Variants in CRIM1 observed in about 807,000 individuals in gnomAD.
The protein encoded by CRIM1 is cysteine rich transmembrane BMP regulator 1.
In CRIM1, 32 loss-of-function variants were observed where a neutral mutation model predicts 116.4. The ratio of observed to expected loss-of-function variants is 0.27; its 90% CI spans 0.21 to 0.37. The LOEUF (loss-of-function observed/expected upper bound fraction) is 0.37, where lower values mean the gene tolerates loss of function less well. Ranked by LOEUF, CRIM1 falls within the 10% of genes least tolerant of loss-of-function variation. CRIM1 has a pLI of 1.00. For missense variants in CRIM1, 1,331 were observed against 1,354.8 expected, an observed-to-expected ratio of 0.98 and a Z score of 0.28; for synonymous variants, 590 against 509.2, an observed-to-expected ratio of 1.16 and a Z score of -2.13.
rs1452184032 is a variant in CRIM1, at chr2:36,499,353, T to C, written c.1501+6T>C. 4.3e-6 allele frequency: 7 copies of C among 1,613,678 alleles called. No homozygotes were observed. Among genetic ancestry groups the C allele is most frequent in the African/African-American group, 1.3e-5 (1 of 75,028 alleles). On this transcript the variant is annotated splice_donor_region_variant and intron_variant, in intron 8 of 16. Coordinates refer to ENST00000280527, the MANE Select transcript of CRIM1 (RefSeq NM_016441.3). ...GACCTGTCAGTGCATAAACAGTGAG[T>C]AGACAGAAGACTGTATGTTTTTTCT...
intron 7 of CRIM1, among the ~76,000 whole-genome samples, chr2:36,498,042 T>C (rs923445967): frequency 6.6e-6 from 1 of 152,222 alleles, no homozygotes; most frequent in African/African-American, 2.4e-5. Flanking sequence ...ATATTTTCCA[T>C]CTGCGAAAAT....
chr2:36,503,678 G>C (rs1572883999), intron 8 of CRIM1, among the ~76,000 whole-genome samples: 1 of 152,072 alleles, frequency 6.6e-6, no homozygotes, highest in East Asian at 1.9e-4. Flanking sequence ...TTTTAGAGAA[G>C]GGAGTTTCTT....
chr2:36,491,149 A>G (rs1680198107), intron 7 of CRIM1, among the ~76,000 whole-genome samples: 1 of 152,216 alleles, frequency 6.6e-6, no homozygotes, highest in African/African-American at 2.4e-5. Flanking sequence ...AATTCTCCAG[A>G]TAATTAAAAT....
chr2:36,472,364 T>C (rs1328191723), intron 5 of CRIM1, among the ~76,000 whole-genome samples: 1 of 152,206 alleles, frequency 6.6e-6, no homozygotes, highest in Non-Finnish European at 1.5e-5. Flanking sequence ...TCTATAAATC[T>C]CTTTGAACAT....
chr2:36,435,392 G>T (rs1675226092), intron 2 of CRIM1, among the ~76,000 whole-genome samples: 1 of 151,946 alleles, frequency 6.6e-6, no homozygotes, highest in Non-Finnish European at 1.5e-5. Context: ...AACGAGAAGA[G>T]ATTTCAAAAT....
intron 8 of CRIM1, 69 bp downstream of exon 8, chr2:36,499,416 T>A (rs1680832379): frequency 6.7e-7 from 1 of 1,483,312 alleles, no homozygotes; most frequent in Middle Eastern, 1.8e-4. Context: ...TATTATGTAA[T>A]TGAATATCTT....
At chr2:36,407,034 C>T (rs924071413) in intron 2 of CRIM1, among the ~76,000 whole-genome samples, 10 of 152,048 alleles carry the variant, frequency 6.6e-5, no homozygotes, top group African/African-American at 2.4e-4. Flanking sequence ...TCACCTTCTG[C>T]GTGGGTCAGG....
intron 1 of CRIM1, among the ~76,000 whole-genome samples, chr2:36,368,560 C>G (rs1340211029): frequency 2.6e-5 from 4 of 152,170 alleles, no homozygotes; most frequent in African/African-American, 9.6e-5. Context: ...TAGCAATCAG[C>G]TTGTTTGCCT....
At chr2:36,498,252 A>G (rs192569026) in intron 7 of CRIM1, among the ~76,000 whole-genome samples, 2 of 152,274 alleles carry the variant, frequency 1.3e-5, no homozygotes, top group Admixed American at 6.5e-5. Context: ...AGGTACCATT[A>G]CAGCAGATTT....
intron 7 of CRIM1, among the ~76,000 whole-genome samples, chr2:36,492,851 A>G (rs1029340659): frequency 3.3e-5 from 5 of 152,098 alleles, no homozygotes; most frequent in African/African-American, 7.2e-5. Flanking sequence ...CAACCCCCCA[A>G]TCCCTGCCCA....
At chr2:36,379,921 G>A (rs1263421853) in intron 1 of CRIM1, among the ~76,000 whole-genome samples, 1 of 149,340 alleles carries the variant, frequency 6.7e-6, no homozygotes, top group African/African-American at 2.4e-5. Flanking sequence ...AAAAAAAAAG[G>A]TATGTTTATG....
At chr2:36,530,459 G>C (rs560503130) in intron 13 of CRIM1, among the ~76,000 whole-genome samples, 17 of 152,314 alleles carry the variant, frequency 1.1e-4, no homozygotes, top group South Asian at 8.3e-4. Flanking sequence ...CAAGTGTGGA[G>C]TTTGTGCCCA....
At chr2:36,537,672 T>C in intron 14 of CRIM1, 126 bp downstream of exon 14, 1 of 1,049,692 alleles carries the variant, frequency 9.5e-7, no homozygotes. Flanking sequence ...CAGGCCCAGT[T>C]AGCGCCTCCA....
chr2:36,543,638 GATGA>G (rs1667109539), intron 14 of CRIM1, among the ~76,000 whole-genome samples: 1 of 151,742 alleles, frequency 6.6e-6, no homozygotes, highest in Non-Finnish European at 1.5e-5. Flanking sequence ...TCGTTAGCTG[GATGA>G]AGTATAAATA....
intron 2 of CRIM1, among the ~76,000 whole-genome samples, chr2:36,440,355 C>T (rs1326842997): frequency 1.3e-5 from 2 of 152,180 alleles, no homozygotes; most frequent in Admixed American, 6.5e-5. Flanking sequence ...TCAATTTCAC[C>T]TAATGTCTCC....
chr2:36,358,443 A>G (rs1185189627), intron 1 of CRIM1, among the ~76,000 whole-genome samples: 1 of 152,224 alleles, frequency 6.6e-6, no homozygotes, highest in African/African-American at 2.4e-5. Flanking sequence ...TGAAGATTCT[A>G]ACCCTTGTTT....
intron 7 of CRIM1, among the ~76,000 whole-genome samples, chr2:36,481,984 T>C (rs779063216): frequency 6.6e-6 from 1 of 152,226 alleles, no homozygotes; most frequent in Non-Finnish European, 1.5e-5. Flanking sequence ...GTCCACCTAC[T>C]GTCTCCTCGC....
chr2:36,537,625 CCTT>C, intron 14 of CRIM1, 79 bp downstream of exon 14: 1 of 1,416,592 alleles, frequency 7.1e-7, no homozygotes, highest in Non-Finnish European at 9.4e-7. Flanking sequence ...TCGACCTGCC[CCTT>C]CTTTCATTCG....
chr2:36,477,254 A>G (rs1198432317), intron 6 of CRIM1, among the ~76,000 whole-genome samples, 183 bp downstream of exon 6: 1 of 152,132 alleles, frequency 6.6e-6, no homozygotes, highest in Non-Finnish European at 1.5e-5. Flanking sequence ...GTGTGGAAAC[A>G]CTTCCCTAAG....
Sources: allele counts gnomAD v4.1 joint callset (sites outside exome capture counted in the v4.1 genomes callset), GRCh38; gene constraint gnomAD v4.1.1; transcripts MANE v1.5; gene names NCBI Gene and HGNC (gene_info 2026-07-23, HGNC 2026-07-21).